Variants in DNAH12 observed in about 807,000 individuals in gnomAD.
DNAH12 encodes the protein axonemal beta dynein heavy chain 12.
DNAH12 carries 285 observed loss-of-function variants against 371.5 expected under a neutral mutation model. That is an observed-to-expected ratio of 0.77 (90% CI 0.70 to 0.85). The LOEUF is 0.85. DNAH12 is among the 40% of genes least tolerant of loss of function. The pLI, the probability that DNAH12 is intolerant of heterozygous loss-of-function variation, is 0.00. For missense variants in DNAH12, 3,611 were observed against 3,689.4 expected (o/e 0.98, Z 0.55); for synonymous variants, 1,200 against 1,213.0 (o/e 0.99, Z 0.22).
At position 57,428,706 on chromosome 3, in the gene DNAH12, T is replaced by C. The variant is rs892637005; in HGVS notation, c.5180A>G (p.Tyr1727Cys). 10 of 1,551,378 alleles carry C rather than the reference T, an allele frequency of 6.4e-6. No homozygotes were observed. The highest frequency in any genetic ancestry group is 8.7e-6 in the Non-Finnish European group (10 of 1,146,950). Residue 1727 changes from tyrosine (Y) to cysteine (C), a missense_variant, in exon 34 of 74, where the codon TAT (tyrosine) becomes TGT (cysteine). Physicochemically the swap from Tyr to Cys is radical, Grantham distance 194. Coordinates refer to ENST00000495027, the MANE Select transcript of DNAH12 (RefSeq NM_001366028.2). ...AAAAAGTCCTCTCAGAAGAGCTTGA[T>C]ATTCTGGTTCACACAGAGGTCCTTT... The part of the protein sequence containing the change: ...SLKGPLCEPE[Y>C]QALLRGLFAW...
chr3:57,545,875 T>C (rs2069539506), upstream of DNAH12, among the ~76,000 whole-genome samples: 3 of 152,164 alleles, frequency 2.0e-5, no homozygotes, highest in Admixed American at 6.6e-5. Flanking sequence ...GTCCTTTGTA[T>C]AGTCAATGGG....
intron 2 of DNAH12, among the ~76,000 whole-genome samples, chr3:57,529,835 T>C (rs371536416): frequency 2.0e-5 from 3 of 152,292 alleles, no homozygotes; most frequent in Admixed American, 6.5e-5. Flanking sequence ...GGTTATTTAT[T>C]TGAAGTTTTT....
At chr3:57,374,084 A>G (rs2063232751) in intron 55 of DNAH12, among the ~76,000 whole-genome samples, 1 of 152,192 alleles carries the variant, frequency 6.6e-6, no homozygotes, top group African/African-American at 2.4e-5. Flanking sequence ...AGTGAGTGTG[A>G]TATCCTATTC....
At chr3:57,381,984 C>T (rs2063402321) in intron 50 of DNAH12, among the ~76,000 whole-genome samples, 1 of 152,066 alleles carries the variant, frequency 6.6e-6, no homozygotes, top group Non-Finnish European at 1.5e-5. Flanking sequence ...TCTCCTGTCT[C>T]AGCCTCCTGA....
chr3:57,396,567 T>C (rs1370399784), intron 43 of DNAH12, among the ~76,000 whole-genome samples: 1 of 151,940 alleles, frequency 6.6e-6, no homozygotes, highest in Non-Finnish European at 1.5e-5. Context: ...GTGATTCTTC[T>C]GCCTCAGCCT....
chr3:57,329,824 G>A (rs1447261236), intron 62 of DNAH12, among the ~76,000 whole-genome samples: 1 of 152,046 alleles, frequency 6.6e-6, no homozygotes, highest in East Asian at 1.9e-4. Context: ...CTGACAAAAG[G>A]CTAATATCCA....
intron 62 of DNAH12, among the ~76,000 whole-genome samples, chr3:57,328,503 T>C (rs977171197): frequency 1.3e-4 from 20 of 148,910 alleles, no homozygotes; most frequent in Non-Finnish European, 2.7e-4. Flanking sequence ...TTTGACAAAA[T>C]TCAACAACCC....
intron 5 of DNAH12, 58 bp from the exon 6 acceptor site, chr3:57,509,270 C>T (rs1407073222): frequency 3.3e-6 from 5 of 1,499,496 alleles, no homozygotes; most frequent in Non-Finnish European, 4.6e-6. Context: ...CTATTAATAT[C>T]AAAGTTTCTA....
chr3:57,495,584 CAA>C (rs5849212), intron 11 of DNAH12, among the ~76,000 whole-genome samples: 1 of 145,952 alleles, frequency 6.9e-6, no homozygotes. Context: ...GACTCCATCT[CAA>C]AAAAATATAC....
At position 57,309,744 on chromosome 3, in the gene DNAH12, C is replaced by T. The variant is rs2061549423; in HGVS notation, c.11007G>A (p.Gln3669=). 2 of 1,551,108 alleles carry T rather than the reference C, an allele frequency of 1.3e-6. No individual in the cohort carries two copies. Among genetic ancestry groups the T allele is most frequent in the African/African-American group, 2.7e-5 (2 of 73,026 alleles). ...KTLFESLLLT[Q]GGSKQTGASG... is the part of the protein sequence containing the mutation. ...AGGCTCCTGTCTGTTTGGAGCCTCC[C>T]TGGGTGAGGAGCAAGGACTCAAAGA... Residue 3669 remains glutamine, a synonymous_variant, in exon 68 of 74, where the codon CAG becomes CAA. Transcript: ENST00000495027.
At chr3:57,350,242 T>C (rs1327440479) in intron 60 of DNAH12, among the ~76,000 whole-genome samples, 7 of 152,040 alleles carry the variant, frequency 4.6e-5, no homozygotes, top group Non-Finnish European at 1.0e-4. Context: ...AAAGAACTTA[T>C]TCATGTAACC....
chr3:57,499,630 C>CAAAAAAA lies in DNAH12; in HGVS notation c.1335+1684_1335+1690dup, dbSNP rs1220632097. Among the ~76,000 whole-genome samples, 19 of 14,880 alleles carry CAAAAAAA rather than the reference C, an allele frequency of 1.3e-3. 3 individuals are homozygous for CAAAAAAA. The highest frequency in any genetic ancestry group is 6.8e-3 in the East Asian group (6 of 884). 9.8% of individuals were successfully genotyped at this position (14,880 alleles called of 152,430 possible). On this transcript the variant is annotated intron_variant, in intron 11 of 73. Coordinates refer to ENST00000495027, the MANE Select transcript of DNAH12 (RefSeq NM_001366028.2). ...GAAACATAAGGAGACACCATCTCTA[C>CAAAAAAA]AAAAAAAAAAAAAAAAAATATATAT...
intron 65 of DNAH12, among the ~76,000 whole-genome samples, chr3:57,318,957 GGTTA>G (rs1034202751): frequency 2.6e-4 from 40 of 151,986 alleles, no homozygotes; most frequent in African/African-American, 8.9e-4. Context: ...AGATCACTTT[GGTTA>G]GTTTGCACAT....
At position 57,404,992 on chromosome 3, in the gene DNAH12, T is replaced by C. The variant is rs541072738; in HGVS notation, c.6732A>G (p.Thr2244=). The C allele has an allele frequency of 5.3e-6, 8 of 1,521,910 alleles. No individual in the cohort carries two copies. The East Asian group carries it at 2.0e-4, about 39-fold the overall frequency. The allele number at this position is 1,521,910 out of a possible 1,614,324, so 94.3% of individuals were successfully genotyped here. The change falls in exon 42 of 74, where the codon ACA becomes ACG. Residue 2244 remains threonine (T), a synonymous_variant. Transcript: ENST00000495027. ...CLDEYNQTHK[T]RMNLVIFRYV... is the part of the protein sequence containing the mutation. ...ACCTAAAAATGACAAGATTCATTCTTGTTTTGTGTGTTTGATTATACTCAT... is the reference window on the plus strand; with the variant it reads ...ACCTAAAAATGACAAGATTCATTCTCGTTTTGTGTGTTTGATTATACTCAT...
At chr3:57,459,895 A>G (rs377217796) in intron 19 of DNAH12, 109 bp from the exon 20 acceptor site, 1 of 963,160 alleles carries the variant, frequency 1.0e-6, no homozygotes, top group Non-Finnish European at 1.4e-6. Context: ...AAGTGCAAAC[A>G]TCTCACAGCT....
At chr3:57,467,658 TAG>T (rs1460590390) in intron 17 of DNAH12, among the ~76,000 whole-genome samples, 1 of 152,202 alleles carries the variant, frequency 6.6e-6, no homozygotes, top group East Asian at 1.9e-4. Flanking sequence ...ATGTTTTCCA[TAG>T]GAAAATGACT....
chr3:57,410,551 G>A (rs1486039061), intron 39 of DNAH12, among the ~76,000 whole-genome samples: 2 of 152,034 alleles, frequency 1.3e-5, no homozygotes, highest in African/African-American at 4.8e-5. Context: ...GGGTGTGGTG[G>A]CTCATACCTG....
intron 37 of DNAH12, among the ~76,000 whole-genome samples, chr3:57,416,374 G>A (rs1437013468): frequency 6.6e-6 from 1 of 152,194 alleles, no homozygotes; most frequent in Non-Finnish European, 1.5e-5. Context: ...TTACAGACAG[G>A]AGCCACTGGG....
At chr3:57,329,849 C>T (rs1359065830) in intron 62 of DNAH12, among the ~76,000 whole-genome samples, 3 of 152,190 alleles carry the variant, frequency 2.0e-5, no homozygotes, top group Non-Finnish European at 4.4e-5. Flanking sequence ...CTACAATGAA[C>T]TCAAACAAAT....
Sources: gnomAD v4.1 joint callset for allele counts (sites outside exome capture counted in the v4.1 genomes callset) on GRCh38, gnomAD v4.1.1 for gene constraint, MANE v1.5 for transcripts, NCBI Gene and HGNC (gene_info 2026-07-23, HGNC 2026-07-21) for gene names.